The following ADCY5 variants were observed in gnomAD, a reference collection of about 807,000 sequenced individuals.
The protein encoded by ADCY5 is adenylate cyclase type 5.
In ADCY5, 30 loss-of-function variants were observed where a neutral mutation model predicts 119.7. The ratio of observed to expected loss-of-function variants is 0.25; its 90% CI spans 0.19 to 0.34. The LOEUF is 0.34. Ranked by LOEUF, ADCY5 falls within the 10% of genes least tolerant of loss-of-function variation. ADCY5 has a pLI of 1.00. For synonymous variants in ADCY5, 753 were observed against 762.2 expected, an observed-to-expected ratio of 0.99 and a Z score of 0.20; for missense variants, 1,324 against 1,775.2, an observed-to-expected ratio of 0.75 and a Z score of 4.57.
chr3:123,317,870 C>A, intron 11 of ADCY5, 150 bp downstream of exon 11: 1 of 699,532 alleles, frequency 1.4e-6, no homozygotes. Context: ...GGCTTCCTAC[C>A]CCACCAAGGG....
At chr3:123,330,661 C>T (rs1292572311) in intron 5 of ADCY5, among the ~76,000 whole-genome samples, 1 of 152,250 alleles carries the variant, frequency 6.6e-6, no homozygotes, top group African/African-American at 2.4e-5. Context: ...CCCTCCCACA[C>T]ACTTCCTCTG....
chr3:123,380,926 C>G (rs749536865), intron 1 of ADCY5, among the ~76,000 whole-genome samples: 24 of 152,264 alleles, frequency 1.6e-4, no homozygotes, highest in Admixed American at 2.0e-4. Flanking sequence ...GTCAGGAGCA[C>G]ATGCTAAGGA....
At chr3:123,377,791 G>A (rs544367130) in intron 1 of ADCY5, among the ~76,000 whole-genome samples, 2 of 152,144 alleles carry the variant, frequency 1.3e-5, no homozygotes, top group East Asian at 3.9e-4. Context: ...TTAGCTGCGT[G>A]TGGTGGTGTG....
chr3:123,283,819 A>AAAAT lies in ADCY5; in HGVS notation c.*785_*788dup, dbSNP rs1348936256. ...AGATCTCCAAGGCTTTCAATAATAC[A>AAAAT]AAATAAAAAATACAAAAAAGACAAG... On this transcript the variant is annotated 3_prime_UTR_variant, in exon 21 of 21. Transcript: ENST00000462833. 6.6e-6 allele frequency: 1 copy of AAAAT among 152,190 alleles called. No individual in the cohort carries two copies. The highest frequency in any genetic ancestry group is 1.5e-5 in the Non-Finnish European group (1 of 68,036). 9.4% of individuals were successfully genotyped at this position (152,190 alleles called of 1,614,324 possible).
At chr3:123,423,009 G>A (rs1269470341) in intron 1 of ADCY5, among the ~76,000 whole-genome samples, 2 of 152,180 alleles carry the variant, frequency 1.3e-5, no homozygotes, top group African/African-American at 4.8e-5. Flanking sequence ...TCACAGACAG[G>A]AGAGACTTCC....
chr3:123,287,792 C>A (rs1938881763), intron 19 of ADCY5, among the ~76,000 whole-genome samples: 1 of 152,198 alleles, frequency 6.6e-6, no homozygotes, highest in Admixed American at 6.5e-5. Context: ...AGCCATGCCA[C>A]CCAGGGAAGA....
intron 1 of ADCY5, among the ~76,000 whole-genome samples, chr3:123,442,947 C>G (rs902438438): frequency 1.3e-5 from 2 of 152,228 alleles, no homozygotes; most frequent in Non-Finnish European, 2.9e-5. Flanking sequence ...CCTGCTGCTG[C>G]GCTGGGGTTG....
chr3:123,337,521 A>T (rs1224208591), intron 3 of ADCY5, among the ~76,000 whole-genome samples: 1 of 152,188 alleles, frequency 6.6e-6, no homozygotes. Flanking sequence ...AACTCAACAG[A>T]ATCTCTCCTT....
chr3:123,400,908 C>A (rs184214583), intron 1 of ADCY5, among the ~76,000 whole-genome samples: 1 of 151,762 alleles, frequency 6.6e-6, no homozygotes, highest in Non-Finnish European at 1.5e-5. Context: ...CACGCCACTG[C>A]ACTCCAGCCT....
intron 12 of ADCY5, among the ~76,000 whole-genome samples, chr3:123,306,753 A>C (rs189081271): frequency 3.0e-4 from 45 of 152,314 alleles, no homozygotes; most frequent in African/African-American, 1.0e-3. Flanking sequence ...ATATCCCCCA[A>C]AGAATCTGAA....
intron 1 of ADCY5, among the ~76,000 whole-genome samples, chr3:123,400,742 C>T (rs1944725672): frequency 6.6e-6 from 1 of 151,976 alleles, no homozygotes; most frequent in Non-Finnish European, 1.5e-5. Flanking sequence ...GTCAGGGGTT[C>T]GAGACCAGCC....
At chr3:123,438,987 A>G (rs1482164702) in intron 1 of ADCY5, among the ~76,000 whole-genome samples, 1 of 151,674 alleles carries the variant, frequency 6.6e-6, no homozygotes, top group Non-Finnish European at 1.5e-5. Flanking sequence ...CCTGGACTCA[A>G]GCGATCCTCC....
chr3:123,289,026 C>T (rs1938963005), intron 19 of ADCY5, among the ~76,000 whole-genome samples: 1 of 152,206 alleles, frequency 6.6e-6, no homozygotes, highest in Non-Finnish European at 1.5e-5. Context: ...ACAATAACCC[C>T]ACTGACCCAT....
chr3:123,327,789 G>A, intron 6 of ADCY5, 30 bp from the exon 7 acceptor site: 1 of 1,610,920 alleles, frequency 6.2e-7, no homozygotes, highest in Non-Finnish European at 8.5e-7. Flanking sequence ...AGGGTGGAGA[G>A]GGCAGAAAAC....
Position 123,448,115 on chromosome 3 carries a change from G to A in ADCY5, c.431C>T (p.Ala144Val), listed in dbSNP as rs1251133787. 1 of 1,102,890 alleles carries A rather than the reference G, an allele frequency of 9.1e-7. No individual in the cohort carries two copies. The highest frequency in any genetic ancestry group is 1.1e-6 in the Non-Finnish European group (1 of 909,416). 68.3% of individuals were successfully genotyped at this position (1,102,890 alleles called of 1,614,324 possible). Residue 144 changes from alanine to valine, a missense_variant, in exon 1 of 21, where the codon GCC (alanine) becomes GTC (valine). Ala to Val is a moderately conservative substitution (Grantham distance 64). Coordinates refer to ENST00000462833, the MANE Select transcript of ADCY5 (RefSeq NM_183357.3). ...GGGGGSAAAAASAGGTEVRPR... is the reference protein window; with the variant it reads ...GGGGGSAAAAVSAGGTEVRPR... The stretch of plus-strand genomic sequence containing the variant: ...GCGCACCTCCGTCCCGCCCGCCGAG[G>A]CAGCCGCCGCCGCCGAGCCGCCGCC...
chr3:123,438,382 C>A (rs1294318471), intron 1 of ADCY5, among the ~76,000 whole-genome samples: 2 of 152,186 alleles, frequency 1.3e-5, no homozygotes, highest in East Asian at 1.9e-4. Flanking sequence ...CCCCCTCTAA[C>A]CTCAGTTTTG....
intron 1 of ADCY5, among the ~76,000 whole-genome samples, chr3:123,397,131 A>G (rs370987436): frequency 2.6e-5 from 4 of 152,300 alleles, no homozygotes; most frequent in East Asian, 3.9e-4. Flanking sequence ...GAATGGGTGG[A>G]ACTAGGTGGA....
chr3:123,412,679 G>A (rs1423554535), intron 1 of ADCY5, among the ~76,000 whole-genome samples: 1 of 152,146 alleles, frequency 6.6e-6, no homozygotes, highest in Non-Finnish European at 1.5e-5. Context: ...ATCTGGTGAT[G>A]TGGAAGCCTC....
chr3:123,406,722 G>A (rs1288902293), intron 1 of ADCY5, among the ~76,000 whole-genome samples: 2 of 152,160 alleles, frequency 1.3e-5, no homozygotes, highest in African/African-American at 4.8e-5. Context: ...AATGATGGGA[G>A]GGACAAGGAC....
Sources: allele counts gnomAD v4.1 joint callset (sites outside exome capture counted in the v4.1 genomes callset), GRCh38; gene constraint gnomAD v4.1.1; transcripts MANE v1.5; gene names NCBI Gene and HGNC (gene_info 2026-07-23, HGNC 2026-07-21).